The following FTO variants were observed in gnomAD, a reference collection of about 807,000 sequenced individuals.
The protein encoded by FTO is FTO alpha-ketoglutarate dependent dioxygenase, also known as alpha-ketoglutarate-dependent dioxygenase FTO.
FTO carries 47 observed loss-of-function variants against 63.9 expected under a neutral mutation model. The observed-to-expected ratio is 0.74, with a 90% CI of 0.58 to 0.94. The LOEUF (loss-of-function observed/expected upper bound fraction) is 0.94. FTO is among the 40% of genes least tolerant of loss of function. FTO has a pLI of 0.00. For missense variants in FTO, 562 were observed against 618.1 expected, an observed-to-expected ratio of 0.91 and a Z score of 0.96; for synonymous variants, 207 against 224.4, an observed-to-expected ratio of 0.92 and a Z score of 0.69.
chr16:54,020,151 C>T (rs1178677219), intron 8 of FTO, among the ~76,000 whole-genome samples: 1 of 152,060 alleles, frequency 6.6e-6, no homozygotes, highest in Non-Finnish European at 1.5e-5. Flanking sequence ...AAGAAACCAA[C>T]CTAGAAATTA....
chr16:53,771,730 TGAA>T (rs1350734955), intron 1 of FTO, among the ~76,000 whole-genome samples: 2 of 152,070 alleles, frequency 1.3e-5, no homozygotes, highest in African/African-American at 4.8e-5. Flanking sequence ...CCATCAATGA[TGAA>T]TGTACAATTA....
intron 6 of FTO, among the ~76,000 whole-genome samples, chr16:53,883,784 G>A (rs558501957): frequency 1.3e-3 from 194 of 152,182 alleles, no homozygotes; most frequent in Non-Finnish European, 6.2e-4. Flanking sequence ...TTTAAATAGC[G>A]TGTGTGCCAG....
At chr16:53,815,640 T>TG (rs1419507177) in intron 2 of FTO, among the ~76,000 whole-genome samples, 1 of 31,426 alleles carries the variant, frequency 3.2e-5, no homozygotes, top group East Asian at 4.0e-4. Flanking sequence ...TTTCTTGTTT[T>TG]TTTTTTTTTT....
intron 8 of FTO, among the ~76,000 whole-genome samples, chr16:54,041,345 G>C (rs112182213): frequency 6.6e-6 from 1 of 151,848 alleles, no homozygotes. Context: ...GAACAGCATG[G>C]GGGAAACCGC....
intron 7 of FTO, among the ~76,000 whole-genome samples, chr16:53,912,108 G>A (rs2081724371): frequency 6.6e-6 from 1 of 152,242 alleles, no homozygotes; most frequent in Admixed American, 6.5e-5. Flanking sequence ...TCACAAGTGT[G>A]TGTCTGTTGT....
chr16:53,950,156 A>AAAAAAAAAAAAAAAAAAC (rs1491157932), intron 8 of FTO, among the ~76,000 whole-genome samples: 1 of 60,688 alleles, frequency 1.6e-5, no homozygotes, highest in South Asian at 4.1e-4. Context: ...TCACATTTGT[A>AAAAAAAAAAAAAAAAAAC]AAAAAAAAAA....
intron 8 of FTO, among the ~76,000 whole-genome samples, chr16:54,065,891 T>C (rs768089356): frequency 3.9e-5 from 6 of 152,222 alleles, no homozygotes; most frequent in South Asian, 4.1e-4. Flanking sequence ...AACTTTAGTA[T>C]ATTTGGAACC....
intron 1 of FTO, among the ~76,000 whole-genome samples, chr16:53,801,292 G>A (rs555747162): frequency 9.3e-5 from 14 of 150,772 alleles, no homozygotes; most frequent in African/African-American, 1.7e-4. Context: ...TTATCGTATC[G>A]GAATCTTTCT....
intron 7 of FTO, among the ~76,000 whole-genome samples, chr16:53,918,576 C>G (rs1025532347): frequency 6.6e-6 from 1 of 152,114 alleles, no homozygotes; most frequent in Non-Finnish European, 1.5e-5. Context: ...ACAGGACATT[C>G]TAGTAGAGCA....
At chr16:53,711,635 T>C (rs182464530) in intron 1 of FTO, among the ~76,000 whole-genome samples, 2 of 152,334 alleles carry the variant, frequency 1.3e-5, no homozygotes, top group Non-Finnish European at 2.9e-5. Context: ...AACTGTTTCA[T>C]TAGTCATGGA....
chr16:53,968,254 C>T (rs1157358945), intron 8 of FTO, among the ~76,000 whole-genome samples: 1 of 152,152 alleles, frequency 6.6e-6, no homozygotes, highest in East Asian at 1.9e-4. Flanking sequence ...CCCCTTTCCT[C>T]CCCATATCAA....
At chr16:53,791,874 C>G (rs865894950) in intron 1 of FTO, among the ~76,000 whole-genome samples, 1 of 151,988 alleles carries the variant, frequency 6.6e-6, no homozygotes, top group Non-Finnish European at 1.5e-5. Flanking sequence ...GAGATCGAGA[C>G]CATCCTGGCT....
At chr16:54,061,371 A>G (rs1364929983) in intron 8 of FTO, among the ~76,000 whole-genome samples, 1 of 152,162 alleles carries the variant, frequency 6.6e-6, no homozygotes, top group African/African-American at 2.4e-5. Context: ...TTCGCAGCCT[A>G]TTACATTAAA....
chr16:53,881,644 G>A (rs541405266), intron 6 of FTO, among the ~76,000 whole-genome samples: 1 of 152,190 alleles, frequency 6.6e-6, no homozygotes, highest in Non-Finnish European at 1.5e-5. Flanking sequence ...AGACCAGCAG[G>A]TCTGGATCCC....
rs1456087659 is a variant in FTO, at chr16:53,790,469, C to A, written c.46-19671C>A. On this transcript the variant is annotated intron_variant, in intron 1 of 8. Transcript: ENST00000471389. ...TGTTGGCTCACACCTGTAATCCCAG[C>A]ACTTTGGGAGCCTGAGGCAGGAGGA... 2.6e-5 allele frequency among the ~76,000 whole-genome samples: 4 copies of A among 151,040 alleles called. No homozygotes were observed. The Admixed American group carries it at 2.7e-4, about 10-fold the overall frequency.
intron 8 of FTO, among the ~76,000 whole-genome samples, chr16:53,951,931 G>A (rs948033678): frequency 4.6e-5 from 7 of 151,952 alleles, no homozygotes; most frequent in South Asian, 2.1e-4. Context: ...TAAAATGCTG[G>A]CCTTATAAAC....
intron 1 of FTO, among the ~76,000 whole-genome samples, chr16:53,752,679 C>G (rs2076827035): frequency 6.6e-6 from 1 of 152,188 alleles, no homozygotes; most frequent in Admixed American, 6.5e-5. Context: ...CCTCCAACCA[C>G]TAATGATGCA....
intron 8 of FTO, chr16:54,033,985 A>G (rs2084888032): frequency 6.6e-6 from 1 of 151,990 alleles, no homozygotes; most frequent in Non-Finnish European, 1.5e-5. Context: ...TGTTGTATAG[A>G]CTTGTACGTA....
intron 3 of FTO, among the ~76,000 whole-genome samples, chr16:53,839,342 ACATG>A (rs2079396481): frequency 6.6e-6 from 1 of 152,166 alleles, no homozygotes; most frequent in Non-Finnish European, 1.5e-5. Context: ...TGCCAAAATA[ACATG>A]GGGCAAGAGT....
Sources: gnomAD v4.1 joint callset for allele counts (sites outside exome capture counted in the v4.1 genomes callset) on GRCh38, gnomAD v4.1.1 for gene constraint, MANE v1.5 for transcripts, NCBI Gene and HGNC (gene_info 2026-07-23, HGNC 2026-07-21) for gene names.